ZNF131: variants seen among roughly 807,000 people sequenced by gnomAD.
ZNF131 encodes the protein zinc finger and BTB domain containing 35.
Under a neutral mutation model 60.0 loss-of-function variants are expected in ZNF131, and 7 were observed. The ratio of observed to expected loss-of-function variants is 0.12; its 90% CI spans 0.07 to 0.22. The LOEUF is 0.22. Among genes scored for constraint, ZNF131 ranks in the 10% least tolerant of loss-of-function variants. The pLI, the probability that ZNF131 is intolerant of heterozygous loss-of-function variation, is 1.00. For synonymous variants in ZNF131, 257 were observed against 253.2 expected (o/e 1.01, Z -0.14); for missense variants, 493 against 740.9 (o/e 0.67, Z 3.88).
chr5:43,132,542 G>C lies in ZNF131; in HGVS notation c.227-6623G>C, dbSNP rs182350779. Among the ~76,000 whole-genome samples, 520 of 126,436 alleles carry C rather than the reference G, an allele frequency of 4.1e-3. 2 individuals are homozygous for C. In the Middle Eastern group the frequency reaches 0.052, roughly 13 times the overall value. 82.9% of individuals were successfully genotyped at this position (126,436 alleles called of 152,430 possible). A position where few individuals can be genotyped will look rare whatever the true frequency, so the allele number is the denominator to read the frequency against. ...TTTTTTTTTTTTGAGACAGAGTCTC[G>C]CTGTATTGCCCAGCCTAGATTGCAG... On this transcript the variant is annotated intron_variant, in intron 3 of 6. Transcript: ENST00000682664.
At chr5:43,121,954 T>C in intron 1 of ZNF131, 85 bp from the exon 2 acceptor site, 1 of 1,425,312 alleles carries the variant, frequency 7.0e-7, no homozygotes, top group Non-Finnish European at 9.4e-7. Context: ...CGTTGCTGGT[T>C]TTTTTTGTTG....
At chr5:43,173,592 G>A (rs1388352800) in intron 6 of ZNF131, 144 bp downstream of exon 6, 2 of 1,116,434 alleles carry the variant, frequency 1.8e-6, no homozygotes, top group Non-Finnish European at 2.4e-6. Context: ...TTATTGTCTT[G>A]GGGACTAAAT....
intron 3 of ZNF131, among the ~76,000 whole-genome samples, chr5:43,134,932 A>C (rs879677487): frequency 6.6e-6 from 1 of 151,712 alleles, no homozygotes; most frequent in Non-Finnish European, 1.5e-5. Flanking sequence ...TTCTGACCTC[A>C]GGTGATCCAT....
At chr5:43,128,288 A>G (rs1318106715) in intron 3 of ZNF131, among the ~76,000 whole-genome samples, 1 of 152,208 alleles carries the variant, frequency 6.6e-6, no homozygotes, top group Admixed American at 6.5e-5. Context: ...GGCAAGTATT[A>G]TCAGTTTGGT....
intron 4 of ZNF131, among the ~76,000 whole-genome samples, chr5:43,143,744 C>A: frequency 6.6e-6 from 1 of 152,076 alleles, no homozygotes; most frequent in East Asian, 1.9e-4. Context: ...ATCAGTGTCC[C>A]ATCAAGCAGT....
chr5:43,175,269 C>G lies in ZNF131; in HGVS notation c.*136C>G, dbSNP rs1751456087. ...GTTTCCTGTTGTGCTGAACTGTTGT[C>G]CGTTGAAACACATTGATTCCCCTCC... On this transcript the variant is annotated 3_prime_UTR_variant, in exon 7 of 7. Transcript: ENST00000682664. The G allele has an allele frequency of 1.1e-6, 1 of 874,142 alleles. No homozygotes were observed. Among genetic ancestry groups the G allele is most frequent in the South Asian group, 1.7e-5 (1 of 57,926 alleles). 54.1% of individuals were successfully genotyped at this position (874,142 alleles called of 1,614,324 possible). A position where few individuals can be genotyped will look rare whatever the true frequency, so the allele number is the denominator to read the frequency against.
chr5:43,141,335 G>A (rs540824219), intron 4 of ZNF131, among the ~76,000 whole-genome samples: 1 of 152,256 alleles, frequency 6.6e-6, no homozygotes, highest in South Asian at 2.1e-4. Flanking sequence ...TTCTCAAAAA[G>A]ATTAAAGGAA....
intron 3 of ZNF131, among the ~76,000 whole-genome samples, chr5:43,135,929 A>G (rs1746024619): frequency 6.6e-6 from 1 of 152,096 alleles, no homozygotes; most frequent in South Asian, 2.1e-4. Flanking sequence ...CAGCTGGCCA[A>G]CGTAGTGAAA....
chr5:43,170,325 T>C (rs1211563617), intron 5 of ZNF131, among the ~76,000 whole-genome samples: 4 of 152,336 alleles, frequency 2.6e-5, no homozygotes, highest in Admixed American at 6.5e-5. Context: ...ATAATACATA[T>C]AGCTCAGTTA....
chr5:43,148,342 G>T (rs1488102752), intron 4 of ZNF131, among the ~76,000 whole-genome samples: 1 of 152,192 alleles, frequency 6.6e-6, no homozygotes, highest in Non-Finnish European at 1.5e-5. Context: ...TCGTGCTGCT[G>T]CACTCCAGCC....
intron 4 of ZNF131, among the ~76,000 whole-genome samples, chr5:43,143,936 T>C (rs1003757702): frequency 1.3e-3 from 146 of 109,446 alleles, no homozygotes; most frequent in Middle Eastern, 5.4e-3. Context: ...TTTTTTTTTT[T>C]CCTTGAGACG....
chr5:43,161,252 C>A lies in ZNF131; in HGVS notation c.375C>A (p.Asn125Lys). The A allele has an allele frequency of 6.3e-7, 1 of 1,589,572 alleles. No individual in the cohort carries two copies. The highest frequency in any genetic ancestry group is 8.5e-7 in the Non-Finnish European group (1 of 1,171,408). The change falls in exon 5 of 7, where the codon AAC becomes AAA. Residue 125 changes from asparagine (N) to lysine (K), a missense_variant. Physicochemically the swap from Asn to Lys is moderately conservative, Grantham distance 94 (BLOSUM62 0). Coordinates refer to ENST00000682664, the MANE Select transcript of ZNF131 (RefSeq NM_001330707.2). ...ACCCCTACATTATGTATTTCAGGAACAAAGAAAACTCAGCTCCCTTAGAGG... is the reference window on the plus strand; with the variant it reads ...ACCCCTACATTATGTATTTCAGGAAAAAAGAAAACTCAGCTCCCTTAGAGG... ...LEAIKALEVR[N>K]KENSAPLEEN...
chr5:43,141,565 T>C (rs973401564), intron 4 of ZNF131, among the ~76,000 whole-genome samples: 7 of 151,956 alleles, frequency 4.6e-5, no homozygotes, highest in African/African-American at 1.7e-4. Context: ...CCTCAGGAGT[T>C]TGAGACCAGC....
intron 4 of ZNF131, among the ~76,000 whole-genome samples, chr5:43,145,578 G>A (rs532074031): frequency 7.2e-4 from 110 of 152,102 alleles, no homozygotes; most frequent in South Asian, 4.4e-3. Flanking sequence ...GCTTGAATCC[G>A]GGAGGCGGAG....
intron 4 of ZNF131, among the ~76,000 whole-genome samples, chr5:43,155,557 G>C (rs1360973251): frequency 6.6e-6 from 1 of 152,156 alleles, no homozygotes; most frequent in Non-Finnish European, 1.5e-5. Context: ...AAGGTAGAGA[G>C]AATGCACTGC....
chr5:43,130,815 C>T (rs1745246820), intron 3 of ZNF131, among the ~76,000 whole-genome samples: 1 of 152,070 alleles, frequency 6.6e-6, no homozygotes, highest in African/African-American at 2.4e-5. Flanking sequence ...ATCCACCTGC[C>T]TCGGCCTCCC....
chr5:43,144,554 A>G (rs1042644969), intron 4 of ZNF131, among the ~76,000 whole-genome samples: 5 of 152,042 alleles, frequency 3.3e-5, no homozygotes, highest in African/African-American at 9.7e-5. Flanking sequence ...AAAGCCCCCT[A>G]TGAACATCTC....
chr5:43,127,425 A>G (rs1425336243), intron 3 of ZNF131, among the ~76,000 whole-genome samples: 1 of 152,220 alleles, frequency 6.6e-6, no homozygotes, highest in Non-Finnish European at 1.5e-5. Flanking sequence ...TTAGAAATGT[A>G]GACTCAGGTT....
chr5:43,153,248 C>T (rs1748542282), intron 4 of ZNF131, among the ~76,000 whole-genome samples: 1 of 152,104 alleles, frequency 6.6e-6, no homozygotes, highest in South Asian at 2.1e-4. Context: ...AATTTCCTAA[C>T]CCTGGCTTTG....
Sources: gnomAD v4.1 joint callset for allele counts (sites outside exome capture counted in the v4.1 genomes callset) on GRCh38, gnomAD v4.1.1 for gene constraint, MANE v1.5 for transcripts, NCBI Gene and HGNC (gene_info 2026-07-23, HGNC 2026-07-21) for gene names.